CLSTN2: variants seen among roughly 807,000 people sequenced by gnomAD.
The protein encoded by CLSTN2 is calsyntenin 2.
A neutral mutation model predicts 101.2 loss-of-function variants in CLSTN2; 48 were observed. The observed-to-expected ratio is 0.47, with a 90% CI of 0.38 to 0.60. The LOEUF is 0.60. Ranked by LOEUF, CLSTN2 falls within the 20% of genes least tolerant of loss-of-function variation. The pLI is 0.00. For missense variants in CLSTN2, 1,160 were observed against 1,238.2 expected, an observed-to-expected ratio of 0.94 and a Z score of 0.95; for synonymous variants, 481 against 463.6, an observed-to-expected ratio of 1.04 and a Z score of -0.48.
At chr3:140,466,819 T>C in intron 8 of CLSTN2, 88 bp downstream of exon 8, 4 of 1,563,784 alleles carry the variant, frequency 2.6e-6, no homozygotes, top group Non-Finnish European at 3.5e-6. Context: ...GGGGAGGCAC[T>C]GCAAGGTCCT....
chr3:140,034,941 G>A (rs1003743467), intron 1 of CLSTN2, among the ~76,000 whole-genome samples: 2 of 152,160 alleles, frequency 1.3e-5, no homozygotes, highest in Admixed American at 1.3e-4. Context: ...ATCCTTGTGT[G>A]GGCAAGAAGC....
Position 140,562,834 on chromosome 3 carries a change from G to A in CLSTN2, c.2236G>A (p.Glu746Lys), listed in dbSNP as rs751891828. The stretch of plus-strand genomic sequence containing the variant: ...AGGTGTGGGCTCCATGAGCCGCTAT[G>A]AGCAGGTGCTACATCACATCCGCTA... ...IYGVGSMSRY[E>K]QVLHHIRYRN... Residue 746 changes from glutamate (E) to lysine (K), a missense_variant, in exon 14 of 17, where the codon GAG becomes AAG. Physicochemically the swap from Glu to Lys is moderately conservative, Grantham distance 56. Transcript: ENST00000458420. 6.2e-7 allele frequency: 1 copy of A among 1,614,036 alleles called. No individual in the cohort carries two copies. The highest frequency in any genetic ancestry group is 1.1e-5 in the South Asian group (1 of 91,054).
rs143947105 is a variant in CLSTN2, at chr3:140,256,134, T to A, written c.232+80061T>A. Among the ~76,000 whole-genome samples the A allele has an allele frequency of 2.8e-3, 427 of 152,318 alleles. 1 individual carries two copies. Among genetic ancestry groups the A allele is most frequent in the African/African-American group, 9.6e-3 (397 of 41,558 alleles). On this transcript the variant is annotated intron_variant, in intron 2 of 16. Transcript: ENST00000458420. The stretch of plus-strand genomic sequence containing the variant: ...CAAGGTTAGTCCTAGGTATGGCAGC[T>A]GAAGAACAAGAGAGGCCTTTCTTCA...
At chr3:139,991,541 T>C (rs1470922130) in intron 1 of CLSTN2, among the ~76,000 whole-genome samples, 2 of 152,216 alleles carry the variant, frequency 1.3e-5, no homozygotes, top group East Asian at 1.9e-4. Flanking sequence ...CAAGAAGACA[T>C]AGAGTGATGT....
chr3:140,131,082 C>CT (rs926074041), intron 1 of CLSTN2, among the ~76,000 whole-genome samples: 2 of 151,956 alleles, frequency 1.3e-5, no homozygotes, highest in Non-Finnish European at 2.9e-5. Context: ...GAAGAACTTT[C>CT]TTGTCATACT....
intron 2 of CLSTN2, among the ~76,000 whole-genome samples, chr3:140,354,065 G>C (rs965761273): frequency 6.6e-6 from 1 of 152,206 alleles, no homozygotes; most frequent in African/African-American, 2.4e-5. Flanking sequence ...GGCTTGTTCT[G>C]TAATGGCTCC....
intron 8 of CLSTN2, among the ~76,000 whole-genome samples, chr3:140,520,947 A>G (rs1935011196): frequency 1.3e-5 from 2 of 151,506 alleles, no homozygotes; most frequent in African/African-American, 4.9e-5. Context: ...CTATTCTGTT[A>G]TTGATACTCA....
intron 2 of CLSTN2, among the ~76,000 whole-genome samples, chr3:140,377,847 G>T (rs1278576495): frequency 6.6e-6 from 1 of 152,162 alleles, no homozygotes; most frequent in African/African-American, 2.4e-5. Flanking sequence ...GTGGGCAGCA[G>T]TGTCCTGGGG....
intron 2 of CLSTN2, among the ~76,000 whole-genome samples, chr3:140,182,573 G>A (rs2010426419): frequency 6.6e-6 from 1 of 152,148 alleles, no homozygotes; most frequent in Non-Finnish European, 1.5e-5. Context: ...TGGTTTGTTT[G>A]GGGGCCATTC....
intron 9 of CLSTN2, among the ~76,000 whole-genome samples, chr3:140,534,189 G>A (rs1280615038): frequency 6.6e-6 from 1 of 152,132 alleles, no homozygotes; most frequent in Non-Finnish European, 1.5e-5. Flanking sequence ...TAGTGCCCTA[G>A]CCAGACACAC....
chr3:140,027,671 T>C (rs2007448796), intron 1 of CLSTN2, among the ~76,000 whole-genome samples: 1 of 152,214 alleles, frequency 6.6e-6, no homozygotes, highest in South Asian at 2.1e-4. Flanking sequence ...GTCTGCTGTC[T>C]GCTCATGAGT....
chr3:140,418,513 C>CTTTTT (rs1051422077), intron 4 of CLSTN2, among the ~76,000 whole-genome samples: 29 of 42,118 alleles, frequency 6.9e-4, no homozygotes, highest in Non-Finnish European at 8.4e-4. Context: ...TTCTTTCTTT[C>CTTTTT]TTTCTTTTTT....
At chr3:140,154,522 A>T (rs1392778187) in intron 1 of CLSTN2, among the ~76,000 whole-genome samples, 2 of 151,878 alleles carry the variant, frequency 1.3e-5, no homozygotes, top group Non-Finnish European at 2.9e-5. Flanking sequence ...AGAAAAGAGG[A>T]TTAATTGACA....
intron 2 of CLSTN2, among the ~76,000 whole-genome samples, chr3:140,342,211 T>A (rs2087499978): frequency 6.6e-6 from 1 of 152,138 alleles, no homozygotes; most frequent in African/African-American, 2.4e-5. Flanking sequence ...TAATTATTTG[T>A]TATCCAGGGA....
Position 140,290,169 on chromosome 3 carries a change from C to T in CLSTN2, c.233-113460C>T, listed in dbSNP as rs2086934764. ...GACAGATTCTGGAGTTATCTCAGAA[C>T]ACCCATTTCGATGAAGTGTTTGAGC... On this transcript the variant is annotated intron_variant, in intron 2 of 16. Transcript: ENST00000458420. Among the ~76,000 whole-genome samples the T allele has an allele frequency of 2.0e-5, 3 of 152,016 alleles. No homozygotes were observed. In the South Asian group the frequency reaches 6.2e-4, roughly 32 times the overall value.
chr3:140,468,107 T>A (rs1158862119), intron 8 of CLSTN2, among the ~76,000 whole-genome samples: 1 of 152,228 alleles, frequency 6.6e-6, no homozygotes, highest in Non-Finnish European at 1.5e-5. Context: ...GATTAGTCTA[T>A]GTTCCTCTGA....
rs1206095786 is a variant in CLSTN2, at chr3:140,569,056, T to C, written c.*2803T>C. On this transcript the variant is annotated 3_prime_UTR_variant, in exon 17 of 17. Transcript: ENST00000458420. ...CCGCTGGGTTGGCAGGCATTGGTCA[T>C]CTTCGCAACACCCTCTTCCTCACCA... The C allele has an allele frequency of 6.6e-6, 1 of 152,308 alleles. No individual in the cohort carries two copies. Among genetic ancestry groups the C allele is most frequent in the Non-Finnish European group, 1.5e-5 (1 of 68,106 alleles). 9.4% of individuals were successfully genotyped at this position (152,308 alleles called of 1,614,324 possible). A position where few individuals can be genotyped will look rare whatever the true frequency, so the allele number is the denominator to read the frequency against.
intron 1 of CLSTN2, among the ~76,000 whole-genome samples, chr3:140,048,339 T>A (rs2007922431): frequency 6.6e-6 from 1 of 152,118 alleles, no homozygotes; most frequent in Non-Finnish European, 1.5e-5. Flanking sequence ...TGAATAAAGA[T>A]CTCCAGTGAG....
At chr3:140,515,399 C>A (rs1381799756) in intron 8 of CLSTN2, among the ~76,000 whole-genome samples, 5 of 151,838 alleles carry the variant, frequency 3.3e-5, no homozygotes, top group African/African-American at 9.7e-5. Context: ...TATTTCTTTT[C>A]TTCTGCTGTG....
Sources: gnomAD v4.1 joint callset for allele counts (sites outside exome capture counted in the v4.1 genomes callset) on GRCh38, gnomAD v4.1.1 for gene constraint, MANE v1.5 for transcripts, NCBI Gene and HGNC (gene_info 2026-07-23, HGNC 2026-07-21) for gene names.